PPARGC1A: variants seen among roughly 807,000 people sequenced by gnomAD.
PPARGC1A encodes the protein PPARG coactivator 1 alpha, also known as peroxisome proliferator-activated receptor gamma coactivator 1-alpha.
A neutral mutation model predicts 88.7 loss-of-function variants in PPARGC1A; 25 were observed. The observed-to-expected ratio is 0.28, with a 90% CI of 0.21 to 0.39. PPARGC1A has a LOEUF of 0.39. PPARGC1A is among the 10% of genes least tolerant of loss of function. The pLI, the probability that PPARGC1A is intolerant of heterozygous loss-of-function variation, is 1.00. For missense variants in PPARGC1A, 880 were observed against 968.7 expected (o/e 0.91, Z 1.22); for synonymous variants, 363 against 355.6 (o/e 1.02, Z -0.24).
At chr4:24,006,554 A>G in the PPARGC1A span, among the ~76,000 whole-genome samples, 1 of 152,208 alleles carries the variant, frequency 6.6e-6, no homozygotes, top group African/African-American at 2.4e-5. Flanking sequence ...CCTCAGAAAG[A>G]TGCACAAATA....
the PPARGC1A span, among the ~76,000 whole-genome samples, chr4:24,061,397 C>A: frequency 5.3e-5 from 8 of 152,334 alleles, no homozygotes; most frequent in Admixed American, 3.9e-4. Flanking sequence ...GCTAAGAAAG[C>A]ATCTTAAAAA....
At chr4:23,937,132 G>C in the PPARGC1A span, among the ~76,000 whole-genome samples, 1 of 151,366 alleles carries the variant, frequency 6.6e-6, no homozygotes, top group African/African-American at 2.4e-5. Context: ...TACCAGAACA[G>C]AGAGGGAGAA....
chr4:24,046,755 A>C, the PPARGC1A span, among the ~76,000 whole-genome samples: 1 of 152,134 alleles, frequency 6.6e-6, no homozygotes, highest in African/African-American at 2.4e-5. Flanking sequence ...TAGTCAATGG[A>C]ATCTGAACGA....
chr4:23,952,180 A>T, the PPARGC1A span, among the ~76,000 whole-genome samples: 79 of 152,250 alleles, frequency 5.2e-4, no homozygotes, highest in Non-Finnish European at 9.4e-4. Flanking sequence ...AGGAGTCTCT[A>T]AAAAAGAATC....
At chr4:24,126,358 G>C in the PPARGC1A span, among the ~76,000 whole-genome samples, 1 of 151,624 alleles carries the variant, frequency 6.6e-6, no homozygotes, top group African/African-American at 2.4e-5. Context: ...TAACTAATCA[G>C]TAATGCCCTT....
chr4:24,134,553 A>C, the PPARGC1A span, among the ~76,000 whole-genome samples: 1 of 152,254 alleles, frequency 6.6e-6, no homozygotes, highest in African/African-American at 2.4e-5. Context: ...TCTCCCAATA[A>C]AATTTATTTC....
chr4:24,281,818 C>T, the PPARGC1A span, among the ~76,000 whole-genome samples: 11 of 151,948 alleles, frequency 7.2e-5, no homozygotes, highest in East Asian at 1.9e-3. Flanking sequence ...TAATGGCTAA[C>T]ATTGACATAG....
chr4:24,080,365 AG>A, the PPARGC1A span, among the ~76,000 whole-genome samples: 1 of 151,986 alleles, frequency 6.6e-6, no homozygotes, highest in Non-Finnish European at 1.5e-5. Context: ...TATATCAAAA[AG>A]TTAGTTATTA....
At chr4:23,990,096 TATTA>T in the PPARGC1A span, among the ~76,000 whole-genome samples, 1 of 34,254 alleles carries the variant, frequency 2.9e-5, no homozygotes, top group African/African-American at 9.8e-5. Flanking sequence ...ATATATTACA[TATTA>T]ATTATGTATA....
the PPARGC1A span, among the ~76,000 whole-genome samples, chr4:24,395,448 T>C: frequency 1.3e-5 from 2 of 152,108 alleles, no homozygotes; most frequent in African/African-American, 4.8e-5. Flanking sequence ...TAAGTTGGGG[T>C]CCATATGGTT....
At chr4:24,037,060 A>G in the PPARGC1A span, among the ~76,000 whole-genome samples, 1 of 152,216 alleles carries the variant, frequency 6.6e-6, no homozygotes, top group East Asian at 1.9e-4. Flanking sequence ...ATCCTGAAGA[A>G]TGGACAAGTT....
At chr4:23,952,908 A>C in the PPARGC1A span, among the ~76,000 whole-genome samples, 1 of 152,012 alleles carries the variant, frequency 6.6e-6, no homozygotes, top group African/African-American at 2.4e-5. Flanking sequence ...ATCTGCATAG[A>C]TTCTATGTCC....
the PPARGC1A span, among the ~76,000 whole-genome samples, chr4:24,049,268 A>G: frequency 7.1e-6 from 1 of 140,920 alleles, no homozygotes; most frequent in Admixed American, 7.1e-5. Flanking sequence ...ATATAAATAC[A>G]TATATATACA....
At chr4:23,926,008 C>A in the PPARGC1A span, among the ~76,000 whole-genome samples, 3 of 152,116 alleles carry the variant, frequency 2.0e-5, no homozygotes, top group Non-Finnish European at 2.9e-5. Context: ...TGGTTTTAGT[C>A]GTGATGCATT....
rs1399984688 is a variant in PPARGC1A at position 23,814,033 on chromosome 4, G to A, written c.1450C>T (p.Leu484=). Residue 484 remains leucine, a synonymous_variant, in exon 8 of 13, where the codon CTG becomes TTG. Transcript: ENST00000264867. The stretch of plus-strand genomic sequence containing the variant: ...TCATTACTGAAATCACTGTCCCTCA[G>A]TTCACCGGTCTTGTCTGCTTCGTCG... ...FDDEADKTGE[L]RDSDFSNEQF... The A allele has an allele frequency of 1.2e-6, 2 of 1,614,042 alleles. No individual in the cohort carries two copies. The highest frequency in any genetic ancestry group is 2.2e-5 in the East Asian group (1 of 44,860).
chr4:23,844,422 A>G (rs1275493290), intron 2 of PPARGC1A, among the ~76,000 whole-genome samples: 1 of 128,238 alleles, frequency 7.8e-6, no homozygotes, highest in East Asian at 2.2e-4. Flanking sequence ...AATATATAAT[A>G]TATTATATAT....
At chr4:24,387,756 GAGAGAGAGAGAGAAAGAA>G in the PPARGC1A span, among the ~76,000 whole-genome samples, 7 of 77,934 alleles carry the variant, frequency 9.0e-5, no homozygotes, top group African/African-American at 3.8e-4. Context: ...AAGAGAGAGA[GAGAGAGAGAGAGAAAGAA>G]AGAAAGAAAG....
intron 2 of PPARGC1A, among the ~76,000 whole-genome samples, chr4:23,857,288 C>T (rs543586934): frequency 6.7e-6 from 1 of 150,340 alleles, no homozygotes; most frequent in Non-Finnish European, 1.5e-5. Flanking sequence ...GATGCAGAAA[C>T]CACAAGATGG....
the PPARGC1A span, among the ~76,000 whole-genome samples, chr4:24,367,040 G>A: frequency 1.3e-4 from 20 of 152,220 alleles, no homozygotes; most frequent in Non-Finnish European, 2.2e-4. Flanking sequence ...TGGTGTGTAC[G>A]TTCAAAATAG....
Sources: allele counts gnomAD v4.1 joint callset (sites outside exome capture counted in the v4.1 genomes callset), GRCh38; gene constraint gnomAD v4.1.1; transcripts MANE v1.5; gene names NCBI Gene and HGNC (gene_info 2026-07-23, HGNC 2026-07-21).